Variants in GPM6B observed in about 807,000 individuals in gnomAD.
GPM6B encodes the protein glycoprotein M6B.
In GPM6B, 4 loss-of-function variants were observed where a neutral mutation model predicts 27.2. The observed-to-expected ratio is 0.15, with a 90% CI of 0.07 to 0.34. GPM6B has a LOEUF of 0.34. Among genes scored for constraint, GPM6B ranks in the 10% least tolerant of loss-of-function variants. GPM6B has a pLI of 1.00. For missense variants in GPM6B, 183 were observed against 261.9 expected, an observed-to-expected ratio of 0.70 and a Z score of 2.08; for synonymous variants, 124 against 103.1, an observed-to-expected ratio of 1.20 and a Z score of -1.23.
chrX:13,898,213 A>AT lies in GPM6B; in HGVS notation c.-198+40113dup, dbSNP rs1349940391. On this transcript the variant is annotated intron_variant, in intron 1 of 6. Transcript: ENST00000398361. ...CTTTCTGATGGGGGCTGTCCTGTGA[A>AT]TTGTAGACTATTTAGCAGCATCCCT... Among the ~76,000 whole-genome samples the AT allele has an allele frequency of 2.7e-5, 3 of 111,238 alleles. No homozygotes were observed. The South Asian group carries it at 1.1e-3, about 42-fold the overall frequency.
chrX:13,901,269 G>T (rs1014416577), intron 1 of GPM6B, among the ~76,000 whole-genome samples: 1 of 110,830 alleles, frequency 9.0e-6, no homozygotes, highest in Non-Finnish European at 1.9e-5. Flanking sequence ...TAGAAAATAA[G>T]CATCCCAAAC....
At chrX:13,862,372 G>A (rs1164105394) in intron 1 of GPM6B, among the ~76,000 whole-genome samples, 1 of 111,619 alleles carries the variant, frequency 9.0e-6, no homozygotes, top group Non-Finnish European at 1.9e-5. Flanking sequence ...GTTTGTGAGA[G>A]TTAACTACAC....
chrX:13,872,276 C>G (rs942563839), intron 1 of GPM6B, among the ~76,000 whole-genome samples: 1 of 105,239 alleles, frequency 9.5e-6, no homozygotes, highest in African/African-American at 3.5e-5. Flanking sequence ...GGCTCATGAT[C>G]CTCCCACCTT....
chrX:13,865,560 AAAG>A (rs1233355086), intron 1 of GPM6B, among the ~76,000 whole-genome samples: 601 of 40,799 alleles, frequency 0.015, 10 homozygotes, highest in African/African-American at 0.046. Flanking sequence ...AAAAAAAAAA[AAAG>A]AAAGAAAGAA....
rs760518816 is a variant in GPM6B at position 13,920,345 on chromosome X, A to G, written c.-198+17982T>C. Among the ~76,000 whole-genome samples the G allele has an allele frequency of 2.8e-5, 3 of 108,308 alleles. No homozygotes were observed. In the South Asian group the frequency reaches 1.2e-3, roughly 45 times the overall value. The allele number at this position is 108,308 out of a possible 115,157, so 94.1% of individuals were successfully genotyped here. A position where few individuals can be genotyped will look rare whatever the true frequency, so the allele number is the denominator to read the frequency against. On this transcript the variant is annotated intron_variant, in intron 1 of 6. Coordinates refer to the GPM6B transcript ENST00000398361. ...ATAGGCAATTTATTTGTCCTACTTCAGTATCAGGCTGGAAACGGCCCTGGT... is the reference window on the plus strand; with the variant it reads ...ATAGGCAATTTATTTGTCCTACTTCGGTATCAGGCTGGAAACGGCCCTGGT...
intron 1 of GPM6B, among the ~76,000 whole-genome samples, chrX:13,855,909 C>T (rs1049098191): frequency 9.0e-6 from 1 of 111,396 alleles, no homozygotes; most frequent in African/African-American, 3.3e-5. Flanking sequence ...TTGTGACCTT[C>T]CAAAGGTCAC....
intron 1 of GPM6B, among the ~76,000 whole-genome samples, chrX:13,865,571 G>GA (rs55673392): frequency 0.23 from 11,690 of 50,220 alleles, 1,877 homozygotes; most frequent in Non-Finnish European, 0.35. Context: ...AAGAAAGAAA[G>GA]AAAGAAAAGA....
intron 2 of GPM6B, among the ~76,000 whole-genome samples, chrX:13,803,063 G>A (rs2048952413): frequency 8.9e-6 from 1 of 111,997 alleles, no homozygotes; most frequent in African/African-American, 3.2e-5. Flanking sequence ...TACAACCTTA[G>A]GTTAGGAAAG....
At chrX:13,843,359 G>T (rs745307734) in intron 1 of GPM6B, among the ~76,000 whole-genome samples, 1 of 112,363 alleles carries the variant, frequency 8.9e-6, no homozygotes, top group Non-Finnish European at 1.9e-5. Flanking sequence ...GGACATTTGA[G>T]TTGTTTCCAC....
chrX:13,776,192 T>C (rs1365729534), intron 7 of GPM6B, 46 bp downstream of exon 7: 1 of 1,032,609 alleles, frequency 9.7e-7, no homozygotes, highest in East Asian at 3.0e-5. Flanking sequence ...ATTTAGAAGC[T>C]GGAGGGAGGA....
intron 1 of GPM6B, among the ~76,000 whole-genome samples, chrX:13,834,242 T>C (rs1211626433): frequency 4.4e-5 from 5 of 112,541 alleles, no homozygotes; most frequent in African/African-American, 1.6e-4. Flanking sequence ...ACCTGATGTA[T>C]AGTTAGCAAA....
At chrX:13,820,259 C>T (rs1286105248), upstream of GPM6B, among the ~76,000 whole-genome samples, 3 of 110,993 alleles carry the variant, frequency 2.7e-5, no homozygotes, top group African/African-American at 9.9e-5. Context: ...AACTATGGCA[C>T]GGGGAGGAAG....
In GPM6B at chrX:13,785,777, T is replaced by C. The variant is rs2048601449; in HGVS notation, c.213A>G (p.Gly71=). The change falls in exon 3 of 8, where the codon GGA becomes GGG. Residue 71 remains glycine (G), a synonymous_variant. Transcript: ENST00000316715. ...GCFECCIKCL[G]GVPYASLVAT... is the part of the protein sequence containing the mutation. Reference sequence around the variant, plus strand: ...CCACCAGGGAGGCGTAGGGGACTCCTCCCAGACACTTGATGCAGCATTCAA... The same window carrying C: ...CCACCAGGGAGGCGTAGGGGACTCCCCCCAGACACTTGATGCAGCATTCAA... 8.3e-7 allele frequency: 1 copy of C among 1,210,288 alleles called. No individual in the cohort carries two copies. The highest frequency in any genetic ancestry group is 1.1e-6 in the Non-Finnish European group (1 of 894,578).
intron 1 of GPM6B, among the ~76,000 whole-genome samples, chrX:13,898,454 G>A (rs1266207737): frequency 2.7e-5 from 3 of 112,362 alleles, no homozygotes; most frequent in Non-Finnish European, 5.6e-5. Flanking sequence ...CTGGGACCAA[G>A]CAGTGGCTGT....
At chrX:13,934,526 G>A (rs1921732732) in intron 1 of GPM6B, among the ~76,000 whole-genome samples, 1 of 111,514 alleles carries the variant, frequency 9.0e-6, no homozygotes, top group South Asian at 3.8e-4. Context: ...TAAAGAGGGA[G>A]AACATTATAG....
Position 13,838,297 on chromosome X carries a change from C to T in GPM6B, c.-197-52489G>A, listed in dbSNP as rs150486625. Among the ~76,000 whole-genome samples the T allele has an allele frequency of 7.2e-5, 8 of 111,605 alleles. No individual in the cohort carries two copies. The East Asian group carries it at 8.4e-4, about 12-fold the overall frequency. On this transcript the variant is annotated intron_variant, in intron 1 of 6. Transcript: ENST00000398361. Reference sequence around the variant, plus strand: ...AGGCTGGAGCTAGCAAAACAGACTGCGATGTTTTTGAAAGGTCATAAAAAC... The same window carrying T: ...AGGCTGGAGCTAGCAAAACAGACTGTGATGTTTTTGAAAGGTCATAAAAAC...
intron 7 of GPM6B, chrX:13,773,310 CT>C (rs11305581): frequency 0.37 from 45,952 of 124,626 alleles, 5,694 homozygotes; most frequent in East Asian, 0.57. Flanking sequence ...CGAGAGGGTG[CT>C]TTTTTTTTTT....
intron 1 of GPM6B, among the ~76,000 whole-genome samples, chrX:13,921,578 C>CG (rs1229338933): frequency 1.7e-5 from 1 of 59,894 alleles, no homozygotes; most frequent in African/African-American, 6.6e-5. Flanking sequence ...TATAACCCCC[C>CG]CCCTTTTTTT....
At chrX:13,835,327 C>G (rs1316628116) in intron 1 of GPM6B, among the ~76,000 whole-genome samples, 2 of 112,102 alleles carry the variant, frequency 1.8e-5, no homozygotes, top group South Asian at 7.5e-4. Flanking sequence ...ACTCTGCCAG[C>G]AAGAATGGCC....
Sources: allele counts gnomAD v4.1 joint callset (sites outside exome capture counted in the v4.1 genomes callset), GRCh38; gene constraint gnomAD v4.1.1; transcripts MANE v1.5; gene names NCBI Gene and HGNC (gene_info 2026-07-23, HGNC 2026-07-21).